MMS19: variants seen among roughly 807,000 people sequenced by gnomAD.
The protein encoded by MMS19 is MMS19 nucleotide excision repair protein homolog.
MMS19 carries 77 observed loss-of-function variants against 129.8 expected under a neutral mutation model. The observed-to-expected ratio is 0.59, with a 90% CI of 0.49 to 0.72. The LOEUF is 0.72. Ranked by LOEUF, MMS19 falls within the 30% of genes least tolerant of loss-of-function variation. MMS19 has a pLI of 0.00. For synonymous variants in MMS19, 491 were observed against 502.8 expected (o/e 0.98, Z 0.31); for missense variants, 1,168 against 1,266.3 (o/e 0.92, Z 1.18).
intron 23 of MMS19, 67 bp from the exon 24 acceptor site, chr10:97,461,074 T>A (rs1347139639): frequency 3.1e-6 from 4 of 1,294,976 alleles, no homozygotes; most frequent in Non-Finnish European, 4.3e-6. Context: ...GAAATGCAAA[T>A]CACTTTAAGT....
intron 2 of MMS19, among the ~76,000 whole-genome samples, chr10:97,482,668 G>A (rs1337064316): frequency 6.6e-6 from 1 of 150,752 alleles, no homozygotes; most frequent in Non-Finnish European, 1.5e-5. Context: ...ATTTTAAAAT[G>A]GTGAACTTTA....
At chr10:97,461,721 C>A (rs2031997461) in intron 22 of MMS19, 99 bp from the exon 23 acceptor site, 2 of 1,545,222 alleles carry the variant, frequency 1.3e-6, no homozygotes, top group African/African-American at 2.7e-5. Context: ...TGAGAACTAA[C>A]TTCTCTGGTG....
chr10:97,492,602 A>G (rs141891883), intron 1 of MMS19, among the ~76,000 whole-genome samples: 60 of 151,962 alleles, frequency 3.9e-4, no homozygotes, highest in African/African-American at 7.0e-4. Context: ...TAATCCTTGC[A>G]CTTTGGGAGG....
chr10:97,464,837 T>C (rs2033043601), intron 18 of MMS19, among the ~76,000 whole-genome samples: 1 of 152,006 alleles, frequency 6.6e-6, no homozygotes, highest in South Asian at 2.1e-4. Context: ...TAGCTGGGAC[T>C]ACAGGTGCAT....
intron 19 of MMS19, chr10:97,462,936 T>C (rs897769826): frequency 1.6e-5 from 6 of 387,020 alleles, no homozygotes; most frequent in East Asian, 4.1e-5. Context: ...GAAAGAGGGA[T>C]AGCTAAGATG....
chr10:97,468,153 T>C, intron 13 of MMS19, 99 bp downstream of exon 13: 1 of 1,227,512 alleles, frequency 8.1e-7, no homozygotes, highest in East Asian at 2.7e-5. Context: ...AAACCCAAGG[T>C]CTACTATGTT....
rs2030994927 is a variant in MMS19, at chr10:97,459,375, G to C, written c.2891C>G (p.Ser964Cys). ...GGCTCAACGCACCATGGAAGGGCTA[G>C]AGCTGAGGTTCAGAAACTTGGTGAC... is the stretch of plus-strand genomic sequence containing the variant. ...TLVTKFLNLS[S>C]SPSMAVRIAA... Residue 964 changes from serine to cysteine, a missense_variant, in exon 28 of 31, where the codon TCT (serine) becomes TGT (cysteine). Physicochemically the swap from Ser to Cys is moderately radical, Grantham distance 112 (BLOSUM62 -1). This residue lies in a region of MMS19 where 831 missense variants were observed against 910.8 expected (regional missense o/e 0.91). Coordinates refer to ENST00000438925, the MANE Select transcript of MMS19 (RefSeq NM_022362.5). The C allele has an allele frequency of 1.9e-6, 3 of 1,605,554 alleles. No homozygotes were observed. The highest frequency in any genetic ancestry group is 1.7e-5 in the Admixed American group (1 of 58,160).
At chr10:97,485,114 T>G (rs1488145604) in intron 1 of MMS19, among the ~76,000 whole-genome samples, 5 of 152,048 alleles carry the variant, frequency 3.3e-5, no homozygotes, top group African/African-American at 1.2e-4. Context: ...ATCTGAATGA[T>G]GAAAACTTTA....
chr10:97,459,507 T>TC lies in MMS19; in HGVS notation c.2758dup (p.Glu920GlyfsTer7). 6.2e-7 allele frequency: 1 copy of TC among 1,612,880 alleles called. No homozygotes were observed. The highest frequency in any genetic ancestry group is 2.2e-5 in the East Asian group (1 of 44,840). ...CACACAGTCAGGGCAGGACAGGGCC[T>TC]CCAGCAGCAAGGAAAGAAGCTAAGG... is the stretch of plus-strand genomic sequence containing the variant. On this transcript the variant is annotated frameshift_variant, in exon 28 of 31. Coordinates refer to ENST00000438925, the MANE Select transcript of MMS19 (RefSeq NM_022362.5). LOFTEE classifies it high-confidence loss of function.
At chr10:97,482,972 G>A (rs2037147051) in intron 2 of MMS19, among the ~76,000 whole-genome samples, 1 of 151,980 alleles carries the variant, frequency 6.6e-6, no homozygotes, top group African/African-American at 2.4e-5. Flanking sequence ...GTGCTAGCCA[G>A]GATGGTCTCG....
chr10:97,497,189 T>C (rs1408529558), intron 1 of MMS19, among the ~76,000 whole-genome samples: 1 of 152,244 alleles, frequency 6.6e-6, no homozygotes, highest in Non-Finnish European at 1.5e-5. Flanking sequence ...TATAAGTTCC[T>C]GGTGGGCACA....
At chr10:97,494,887 G>GT (rs2039510636) in intron 1 of MMS19, among the ~76,000 whole-genome samples, 1 of 152,186 alleles carries the variant, frequency 6.6e-6, no homozygotes. Context: ...CACTCAAGCA[G>GT]TTTTTATTGT....
At chr10:97,461,405 A>C in intron 23 of MMS19, 91 bp downstream of exon 23, 1 of 1,451,784 alleles carries the variant, frequency 6.9e-7, no homozygotes, top group South Asian at 1.3e-5. Context: ...GTTATTAGCA[A>C]GCTCCTTTTA....
intron 1 of MMS19, among the ~76,000 whole-genome samples, chr10:97,497,729 G>A (rs1328343630): frequency 2.0e-5 from 3 of 152,228 alleles, no homozygotes; most frequent in Non-Finnish European, 2.9e-5. Flanking sequence ...AAGAAACGGA[G>A]AGAAAGTCTT....
rs2036163811 is a variant in MMS19 at position 97,478,449 on chromosome 10, G to C, written c.263-60C>G. On this transcript the variant is annotated intron_variant, in intron 3 of 30. Transcript: ENST00000438925. ...GGCACGAGAAGGGCCCAAGAGCTTT[G>C]TTCCTTCCCTAAGTCTATAACAGTT... The C allele has an allele frequency of 4.0e-6, 5 of 1,239,134 alleles. No homozygotes were observed. The Admixed American group carries it at 8.1e-5, about 20-fold the overall frequency. The allele number at this position is 1,239,134 out of a possible 1,614,324, so 76.8% of individuals were successfully genotyped here.
intron 7 of MMS19, 27 bp downstream of exon 7, chr10:97,476,808 G>A (rs2035860806): frequency 6.2e-7 from 1 of 1,613,762 alleles, no homozygotes; most frequent in South Asian, 1.1e-5. Context: ...AAGCTCCAAT[G>A]AGCTAATCAT....
chr10:97,470,129 C>G lies in MMS19; in HGVS notation c.846G>C (p.Leu282=). The part of the protein sequence containing the change: ...LSAKLDSLQT[L]NACCAVYGQK... ...TCCTGCAAGGAGAAAAATCACTCAC[C>G]AGAGTCTGTAGAGAATCCAACTTGG... Residue 282 remains leucine (L), a splice_region_variant and synonymous_variant, in exon 10 of 31, where the codon CTG becomes CTC. Transcript: ENST00000438925. The G allele has an allele frequency of 6.2e-7, 1 of 1,604,232 alleles. No individual in the cohort carries two copies. Among genetic ancestry groups the G allele is most frequent in the Non-Finnish European group, 8.5e-7 (1 of 1,174,122 alleles).
At chr10:97,464,066 G>A in intron 18 of MMS19, 53 bp from the exon 19 acceptor site, 4 of 1,532,694 alleles carry the variant, frequency 2.6e-6, no homozygotes, top group Non-Finnish European at 3.6e-6. Flanking sequence ...ACTTTCAGGT[G>A]TTTCCAATTA....
intron 14 of MMS19, 126 bp from the exon 15 acceptor site, chr10:97,467,027 G>A: frequency 2.0e-6 from 2 of 1,011,466 alleles, no homozygotes; most frequent in South Asian, 3.0e-5. Context: ...TGCCCAGGCT[G>A]GAGTGCAGTG....
Sources: gnomAD v4.1 joint callset for allele counts (sites outside exome capture counted in the v4.1 genomes callset) on GRCh38, gnomAD v4.1.1 for gene constraint, gnomAD v4.1.1 regional missense constraint, MANE v1.5 for transcripts, NCBI Gene and HGNC (gene_info 2026-07-23, HGNC 2026-07-21) for gene names.